VWA7: variants seen among roughly 807,000 people sequenced by gnomAD.
The protein encoded by VWA7 is von Willebrand factor A domain-containing protein 7.
Under a neutral mutation model 83.1 loss-of-function variants are expected in VWA7, and 66 were observed. The observed-to-expected ratio is 0.79, with a 90% CI of 0.65 to 0.98. The LOEUF (loss-of-function observed/expected upper bound fraction) is 0.98. Ranked by LOEUF, VWA7 falls within the 50% of genes least tolerant of loss-of-function variation. The pLI, the probability that VWA7 is intolerant of heterozygous loss-of-function variation, is 0.00. For synonymous variants in VWA7, 424 were observed against 488.5 expected (o/e 0.87, Z 1.74); for missense variants, 1,080 against 1,160.2 (o/e 0.93, Z 1.00).
Position 31,770,122 on chromosome 6 carries a change from G to C in VWA7, c.1088-9C>G. The C allele has an allele frequency of 6.2e-7, 1 of 1,610,218 alleles. No individual in the cohort carries two copies. The highest frequency in any genetic ancestry group is 8.5e-7 in the Non-Finnish European group (1 of 1,177,614). The stretch of plus-strand genomic sequence containing the variant: ...AAAGACAGGGCCGAACCCTGGGAAG[G>C]GGAAAGGAGGTTAAGATAAGTGAGG... On this transcript the variant is annotated splice_polypyrimidine_tract_variant and intron_variant, in intron 7 of 16. Transcript: ENST00000375688.
Position 31,767,728 on chromosome 6 carries a change from A to G in VWA7, c.1530T>C (p.Val510=). The G allele has an allele frequency of 1.2e-6, 2 of 1,611,356 alleles. No individual in the cohort carries two copies. Among genetic ancestry groups the G allele is most frequent in the Non-Finnish European group, 1.7e-6 (2 of 1,177,680 alleles). Residue 510 remains valine, a synonymous_variant, in exon 11 of 17, where the codon GTT becomes GTC. Coordinates refer to ENST00000375688, the MANE Select transcript of VWA7 (RefSeq NM_025258.3). ...ALVTLPLDPP[V]VVPGQPLVFS... is the part of the protein sequence containing the mutation. The stretch of plus-strand genomic sequence containing the variant: ...ACACAAGTGGCTGCCCAGGCACCAC[A>G]ACAGGAGGGTCCAGGGGAAGAGTCA...
In VWA7 at chr6:31,773,176, C is replaced by T; in HGVS notation, c.918-53G>A. 1 of 1,592,782 alleles carries T rather than the reference C, an allele frequency of 6.3e-7. No individual in the cohort carries two copies. Among genetic ancestry groups the T allele is most frequent in the Non-Finnish European group, 8.5e-7 (1 of 1,170,282 alleles). ...AGGGCCTGCACGTTTGTCCCCAGCGCCTGGTTTCTCCCTTCCCGCAGGAGC... is the reference window on the plus strand; with the variant it reads ...AGGGCCTGCACGTTTGTCCCCAGCGTCTGGTTTCTCCCTTCCCGCAGGAGC... On this transcript the variant is annotated intron_variant, in intron 6 of 16. Transcript: ENST00000375688. The surrounding 1 kb of genome is among the most constrained non-coding windows in gnomAD (Gnocchi z 5.3).
intron 7 of VWA7, among the ~76,000 whole-genome samples, chr6:31,770,433 G>C (rs1812063333): frequency 6.6e-6 from 1 of 150,774 alleles, no homozygotes; most frequent in Non-Finnish European, 1.5e-5. Context: ...CTCCCCAGTA[G>C]CCTCCCCAGA....
In VWA7 at chr6:31,767,262, C is replaced by A; in HGVS notation, c.1790-12G>T. 2 of 1,611,858 alleles carry A rather than the reference C, an allele frequency of 1.2e-6. No homozygotes were observed. Among genetic ancestry groups the A allele is most frequent in the Non-Finnish European group, 1.7e-6 (2 of 1,179,094 alleles). On this transcript the variant is annotated splice_polypyrimidine_tract_variant and intron_variant, in intron 12 of 16. Coordinates refer to ENST00000375688, the MANE Select transcript of VWA7 (RefSeq NM_025258.3). The stretch of plus-strand genomic sequence containing the variant: ...CAGGGAGGTCTGGGCTGGGAAAGGG[C>A]AAAGGCAGTCAGAGCCCTTCCTGAA...
intron 7 of VWA7, among the ~76,000 whole-genome samples, chr6:31,772,640 C>G (rs1440079972): frequency 8.6e-6 from 1 of 116,678 alleles, no homozygotes; most frequent in Non-Finnish European, 1.6e-5. Flanking sequence ...TCTTGTTGCC[C>G]AGGCTGGAGT....
chr6:31,766,516 GC>G lies in VWA7; in HGVS notation c.2130del (p.Arg711AlafsTer12). The part of the protein sequence containing the change: ...LELIGQDAAG[R>X]RLHRAAPQPS... ...GGCTGAGGGGCAGCCCTGTGCAGGC[GC>G]CGCCCCGCTGCGTCCTGGCCAATCA... On this transcript the variant is annotated frameshift_variant, in exon 14 of 17. Transcript: ENST00000375688. LOFTEE classifies it high-confidence loss of function. The surrounding 1 kb of genome is among the most constrained non-coding windows in gnomAD (Gnocchi z 4.9). 1 of 1,607,474 alleles carries G rather than the reference GC, an allele frequency of 6.2e-7. No homozygotes were observed. Among genetic ancestry groups the G allele is most frequent in the Non-Finnish European group, 8.5e-7 (1 of 1,176,500 alleles).
Position 31,776,221 on chromosome 6 carries a change from C to A in VWA7, c.256G>T (p.Asp86Tyr). 1 of 1,613,862 alleles carries A rather than the reference C, an allele frequency of 6.2e-7. No individual in the cohort carries two copies. The change falls in exon 3 of 17, where the codon GAC becomes TAC. Residue 86 changes from aspartate to tyrosine, a missense_variant. Transcript: ENST00000375688. The surrounding 1 kb of genome is among the most constrained non-coding windows in gnomAD (Gnocchi z 6.2). Reference protein sequence around the residue: ...DFLGRTLLADDLFAAYFGPGS... With the variant: ...DFLGRTLLADYLFAAYFGPGS... ...GGTCCAAAGTAGGCGGCAAAGAGGT[C>A]ATCAGCAAGGAGTGTTCGACCCTGG...
In VWA7 at chr6:31,773,123, C is replaced by T. The variant is rs542536426; in HGVS notation, c.918G>A (p.Arg306=). The change falls in exon 7 of 17, where the codon AGG becomes AGA. Residue 306 remains arginine, a splice_region_variant and synonymous_variant. Coordinates refer to ENST00000375688, the MANE Select transcript of VWA7 (RefSeq NM_025258.3). This position sits in a 1 kb window ranked among gnomAD's most constrained non-coding sequence, Gnocchi z 5.3. ...TGGAGGCTGGGGTGATGTCCAGCAG[C>T]CTGGGGAGCAAGCCAGAGACACAGT... is the stretch of plus-strand genomic sequence containing the variant. ...RSRLGDRDFS[R]LLDITPASSL... is the part of the protein sequence containing the mutation. The T allele has an allele frequency of 5.0e-6, 8 of 1,610,396 alleles. No homozygotes were observed. The East Asian group carries it at 1.8e-4, about 36-fold the overall frequency.
Position 31,766,825 on chromosome 6 carries a change from T to A in VWA7, c.1883-61A>T. On this transcript the variant is annotated intron_variant, in intron 13 of 16. Transcript: ENST00000375688. This position sits in a 1 kb window ranked among gnomAD's most constrained non-coding sequence, Gnocchi z 4.9. ...ATTCGGAGACACAGGGAGAAAAGAA[T>A]TAATGGCCTTCAAAATAGGGGTTCC... 6.5e-7 allele frequency: 1 copy of A among 1,529,764 alleles called. No individual in the cohort carries two copies. Among genetic ancestry groups the A allele is most frequent in the Non-Finnish European group, 8.8e-7 (1 of 1,133,690 alleles). The allele number at this position is 1,529,764 out of a possible 1,614,324, so 94.8% of individuals were successfully genotyped here. A position where few individuals can be genotyped will look rare whatever the true frequency, so the allele number is the denominator to read the frequency against.
chr6:31,767,574 G>A (rs1238652922), intron 11 of VWA7, 48 bp downstream of exon 11: 21 of 1,599,336 alleles, frequency 1.3e-5, no homozygotes, highest in South Asian at 3.3e-5. Context: ...ACATCCCCTC[G>A]ATTGTCTATT....
At position 31,776,513 on chromosome 6, in the gene VWA7, G is replaced by T. The variant is rs1248845035; in HGVS notation, c.234+33C>A. On this transcript the variant is annotated intron_variant, in intron 2 of 16. Coordinates refer to ENST00000375688, the MANE Select transcript of VWA7 (RefSeq NM_025258.3). This position sits in a 1 kb window ranked among gnomAD's most constrained non-coding sequence, Gnocchi z 6.2. ...GAGGCCCCATGGAATTGGGGACTCT[G>T]GCAGGGGTGTGACAGGACCCTGGGA... The T allele has an allele frequency of 6.6e-7, 1 of 1,508,732 alleles. No individual in the cohort carries two copies. Among genetic ancestry groups the T allele is most frequent in the East Asian group, 2.5e-5 (1 of 40,462 alleles). The allele number at this position is 1,508,732 out of a possible 1,614,324, so 93.5% of individuals were successfully genotyped here. A position where few individuals can be genotyped will look rare whatever the true frequency, so the allele number is the denominator to read the frequency against.
intron 11 of VWA7, 27 bp from the exon 12 acceptor site, chr6:31,767,541 T>A (rs773780846): frequency 6.2e-7 from 1 of 1,601,328 alleles, no homozygotes; most frequent in Admixed American, 1.7e-5. Context: ...GATTGTCACA[T>A]GAAGCACTTG....
At chr6:31,774,448 A>G in intron 5 of VWA7, 68 bp downstream of exon 5, 1 of 1,473,344 alleles carries the variant, frequency 6.8e-7, no homozygotes, top group South Asian at 1.2e-5. Context: ...ATACGGGCCT[A>G]CAGGACAGAG....
chr6:31,769,582 T>A lies in VWA7; in HGVS notation c.1317+93A>T. On this transcript the variant is annotated intron_variant, in intron 9 of 16. Transcript: ENST00000375688. This position sits in a 1 kb window ranked among gnomAD's most constrained non-coding sequence, Gnocchi z 4.5. ...TATACCAAGGCTTGTTGGGCCACCATAGTGTGGTGCAACCCTCGTTATGAG... is the reference window on the plus strand; with the variant it reads ...TATACCAAGGCTTGTTGGGCCACCAAAGTGTGGTGCAACCCTCGTTATGAG... The A allele has an allele frequency of 1.2e-5, 14 of 1,185,444 alleles. No homozygotes were observed. In the South Asian group the frequency reaches 1.8e-4, roughly 15 times the overall value. 73.4% of individuals were successfully genotyped at this position (1,185,444 alleles called of 1,614,324 possible). A position where few individuals can be genotyped will look rare whatever the true frequency, so the allele number is the denominator to read the frequency against.
At chr6:31,768,139 CAAAAAAAAAAA>C (rs9279412) in intron 10 of VWA7, among the ~76,000 whole-genome samples, 8 of 77,104 alleles carry the variant, frequency 1.0e-4, no homozygotes, top group Non-Finnish European at 1.7e-4. Flanking sequence ...GACTCTGTCT[CAAAAAAAAAAA>C]AAAAAAAAAA....
rs1811436658 is a variant in VWA7, at chr6:31,765,605, C to T, written c.2665G>A (p.Ala889Thr). 2 of 1,610,748 alleles carry T rather than the reference C, an allele frequency of 1.2e-6. No individual in the cohort carries two copies. The highest frequency in any genetic ancestry group is 2.2e-5 in the East Asian group (1 of 44,882). ...TAGAGCCCGTTGTGTCACCAGGAGG[C>T]CAGGCCTAGCAGAAGCAGCACCCCT... ...VGGVLLLLGL[A>T]SW The change falls in exon 17 of 17, where the codon GCC becomes ACC. Residue 889 changes from alanine (A) to threonine (T), a missense_variant. Ala to Thr is a moderately conservative substitution (Grantham distance 58). Coordinates refer to ENST00000375688, the MANE Select transcript of VWA7 (RefSeq NM_025258.3).
At position 31,776,814 on chromosome 6, in the gene VWA7, CAAGG is replaced by C. The variant is rs1562286856; in HGVS notation, c.-15-24_-15-21del. 2 of 1,301,268 alleles carry C rather than the reference CAAGG, an allele frequency of 1.5e-6. No individual in the cohort carries two copies. Among genetic ancestry groups the C allele is most frequent in the Non-Finnish European group, 2.0e-6 (2 of 996,480 alleles). 80.6% of individuals were successfully genotyped at this position (1,301,268 alleles called of 1,614,324 possible). On this transcript the variant is annotated intron_variant, in intron 1 of 16. Transcript: ENST00000375688. The surrounding 1 kb of genome is among the most constrained non-coding windows in gnomAD (Gnocchi z 6.2). ...ATGGACCTGGGAGACAGAAGGCTCT[CAAGG>C]GAGGAGGAAGCAGCCGCGATTCCAG...
At chr6:31,767,011 T>C in intron 13 of VWA7, 147 bp downstream of exon 13, 1 of 479,386 alleles carries the variant, frequency 2.1e-6, no homozygotes, top group Non-Finnish European at 3.7e-6. Context: ...ATGTAAATTA[T>C]AACTCAATAT....
At chr6:31,774,256 TG>T (rs1812479361) in intron 5 of VWA7, among the ~76,000 whole-genome samples, 1 of 150,664 alleles carries the variant, frequency 6.6e-6, no homozygotes. Flanking sequence ...CAGCACATGG[TG>T]GATCCCCTGA....
Sources: gnomAD v4.1 joint callset for allele counts (sites outside exome capture counted in the v4.1 genomes callset) on GRCh38, gnomAD v4.1.1 for gene constraint, Gnocchi (gnomAD v3.1) non-coding constraint, MANE v1.5 for transcripts, NCBI Gene and HGNC (gene_info 2026-07-23, HGNC 2026-07-21) for gene names.